Variants in MAGI2 observed in about 807,000 individuals in gnomAD.
The protein encoded by MAGI2 is membrane associated guanylate kinase, WW and PDZ domain containing 2, also known as membrane-associated guanylate kinase, WW and PDZ domain-containing protein 2.
A neutral mutation model predicts 133.3 loss-of-function variants in MAGI2; 35 were observed. The observed-to-expected ratio is 0.26, with a 90% CI of 0.20 to 0.35. MAGI2 has a LOEUF of 0.35. Ranked by LOEUF, MAGI2 falls within the 10% of genes least tolerant of loss-of-function variation. MAGI2 has a pLI of 1.00. For synonymous variants in MAGI2, 729 were observed against 710.6 expected, an observed-to-expected ratio of 1.03 and a Z score of -0.41; for missense variants, 1,636 against 1,863.4, an observed-to-expected ratio of 0.88 and a Z score of 2.25.
chr7:79,082,318 C>T (rs1816114366), intron 1 of MAGI2, among the ~76,000 whole-genome samples: 1 of 151,998 alleles, frequency 6.6e-6, no homozygotes, highest in East Asian at 1.9e-4. Flanking sequence ...AAGATTTACA[C>T]CTATGTTTCC....
chr7:79,117,819 A>G (rs1819539404), intron 1 of MAGI2, among the ~76,000 whole-genome samples: 2 of 152,240 alleles, frequency 1.3e-5, no homozygotes, highest in South Asian at 4.1e-4. Context: ...TATAATGTAC[A>G]GAGAGTAGTT....
chr7:78,526,241 A>G (rs944549476), intron 3 of MAGI2, among the ~76,000 whole-genome samples: 3 of 152,246 alleles, frequency 2.0e-5, no homozygotes, highest in African/African-American at 4.8e-5. Flanking sequence ...TCAAAGCCAC[A>G]GTCAATGAAC....
chr7:78,220,020 C>T (rs958136140), intron 10 of MAGI2, among the ~76,000 whole-genome samples: 1 of 152,160 alleles, frequency 6.6e-6, no homozygotes, highest in Non-Finnish European at 1.5e-5. Flanking sequence ...CTATTTGCTG[C>T]AGAATGGAGT....
chr7:78,915,296 T>C (rs1402438950), intron 2 of MAGI2, among the ~76,000 whole-genome samples: 1 of 152,162 alleles, frequency 6.6e-6, no homozygotes, highest in African/African-American at 2.4e-5. Flanking sequence ...AAATTTATTT[T>C]TGCAAATATA....
chr7:79,010,233 GTATA>G (rs888059053), intron 1 of MAGI2, among the ~76,000 whole-genome samples: 1 of 4,882 alleles, frequency 2.0e-4, no homozygotes, highest in East Asian at 0.011. Context: ...TGATACATAT[GTATA>G]TGTATGTATG....
At chr7:78,579,769 G>A (rs1802645852) in intron 3 of MAGI2, among the ~76,000 whole-genome samples, 1 of 152,096 alleles carries the variant, frequency 6.6e-6, no homozygotes, top group South Asian at 2.1e-4. Flanking sequence ...AAATATTCAT[G>A]TTAATAAACT....
intron 3 of MAGI2, among the ~76,000 whole-genome samples, chr7:78,609,247 G>A (rs1806164421): frequency 6.6e-6 from 1 of 152,122 alleles, no homozygotes; most frequent in African/African-American, 2.4e-5. Flanking sequence ...GCATCCTTCA[G>A]TGCAATCAAG....
At chr7:78,259,442 A>G (rs1367039553) in intron 9 of MAGI2, among the ~76,000 whole-genome samples, 1 of 152,182 alleles carries the variant, frequency 6.6e-6, no homozygotes, top group African/African-American at 2.4e-5. Context: ...TTATTGTTCC[A>G]TGGGAAATAA....
chr7:79,420,044 T>C (rs1201062366), intron 1 of MAGI2, among the ~76,000 whole-genome samples: 2 of 152,040 alleles, frequency 1.3e-5, no homozygotes, highest in East Asian at 3.9e-4. Flanking sequence ...GAACTAAATA[T>C]AAGACAGCTT....
intron 6 of MAGI2, among the ~76,000 whole-genome samples, chr7:78,455,791 T>C (rs1485165925): frequency 6.6e-6 from 1 of 152,070 alleles, no homozygotes; most frequent in African/African-American, 2.4e-5. Context: ...TGCTCAAGAG[T>C]AATCTGTTTA....
At chr7:78,717,246 G>A (rs1315836837) in intron 2 of MAGI2, among the ~76,000 whole-genome samples, 1 of 150,428 alleles carries the variant, frequency 6.6e-6, no homozygotes, top group African/African-American at 2.5e-5. Context: ...CATCTTAACA[G>A]TAACATGGAA....
rs60034232 is a variant in MAGI2, at chr7:78,297,986, T to TAAAAA, written c.1409-41410_1409-41406dup. ...TGTACCCTAGAACTTAAAGTATAAT[T>TAAAAA]AAAAAAAAAGAATTGTCTGGGAAAA... On this transcript the variant is annotated intron_variant, in intron 9 of 21. Transcript: ENST00000354212. 3.6e-4 allele frequency among the ~76,000 whole-genome samples: 54 copies of TAAAAA among 148,246 alleles called. 1 individual carries two copies. Among genetic ancestry groups the TAAAAA allele is most frequent in the African/African-American group, 8.3e-4 (33 of 39,988 alleles).
chr7:78,709,321 C>T (rs904927184), intron 2 of MAGI2, among the ~76,000 whole-genome samples: 2 of 151,508 alleles, frequency 1.3e-5, no homozygotes, highest in African/African-American at 4.8e-5. Flanking sequence ...CAGGCTTCAA[C>T]TAGATAAACT....
chr7:78,328,549 T>TC (rs561945263), intron 9 of MAGI2, among the ~76,000 whole-genome samples: 4 of 34,670 alleles, frequency 1.2e-4, no homozygotes, highest in African/African-American at 5.1e-4. Flanking sequence ...CTCTCTCTCT[T>TC]ACTTTATTCT....
intron 6 of MAGI2, among the ~76,000 whole-genome samples, chr7:78,443,920 T>C (rs1310265751): frequency 4.6e-5 from 7 of 151,736 alleles, no homozygotes; most frequent in Non-Finnish European, 7.4e-5. Flanking sequence ...ATAGAAGGAG[T>C]AGTTGTGGGA....
At chr7:78,864,636 T>A (rs984955519) in intron 2 of MAGI2, among the ~76,000 whole-genome samples, 4 of 152,202 alleles carry the variant, frequency 2.6e-5, no homozygotes, top group African/African-American at 9.6e-5. Flanking sequence ...CAGGTTGGAA[T>A]TCACATGTAA....
chr7:78,599,776 A>G (rs1287513991), intron 3 of MAGI2, among the ~76,000 whole-genome samples: 1 of 152,154 alleles, frequency 6.6e-6, no homozygotes, highest in Admixed American at 6.5e-5. Flanking sequence ...TTCCCCAGCA[A>G]GGTACTAGGG....
intron 1 of MAGI2, among the ~76,000 whole-genome samples, chr7:79,387,234 TTTACA>T (rs2129147442): frequency 6.6e-6 from 1 of 152,044 alleles, no homozygotes; most frequent in African/African-American, 2.4e-5. Context: ...CTCTCCTATC[TTTACA>T]TCAGTGGGAT....
intron 1 of MAGI2, among the ~76,000 whole-genome samples, chr7:79,322,233 CAGAG>C (rs1839235590): frequency 6.6e-6 from 1 of 152,080 alleles, no homozygotes; most frequent in South Asian, 2.1e-4. Flanking sequence ...AAGTAAGGTA[CAGAG>C]AGATTACAAG....
Sources: allele counts gnomAD v4.1 joint callset (sites outside exome capture counted in the v4.1 genomes callset), GRCh38; gene constraint gnomAD v4.1.1; transcripts MANE v1.5; gene names NCBI Gene and HGNC (gene_info 2026-07-23, HGNC 2026-07-21).